Variants in PKD2L1 observed in about 807,000 individuals in gnomAD.
PKD2L1 encodes polycystin 2 like 1, transient receptor potential cation channel, also known as polycystin-2-like protein 1.
PKD2L1 carries 77 observed loss-of-function variants against 93.0 expected under a neutral mutation model. That is an observed-to-expected ratio of 0.83 (90% CI 0.69 to 1.00). The LOEUF (loss-of-function observed/expected upper bound fraction) is 1.00. PKD2L1 is among the 50% of genes least tolerant of loss of function. The probability of loss-of-function intolerance (pLI) is 0.00; values close to 1 mark genes in which losing one functional copy is unlikely to be tolerated. For synonymous variants in PKD2L1, 390 were observed against 388.0 expected, an observed-to-expected ratio of 1.01 and a Z score of -0.06; for missense variants, 977 against 990.9, an observed-to-expected ratio of 0.99 and a Z score of 0.19.
chr10:100,296,097 A>C (rs372643321), intron 7 of PKD2L1, 25 bp downstream of exon 7: 32 of 1,587,776 alleles, frequency 2.0e-5, no homozygotes, highest in Non-Finnish European at 2.7e-5. Flanking sequence ...CTTGAAGCAA[A>C]GCTGGGTGTG....
chr10:100,291,263 T>G, intron 12 of PKD2L1, 38 bp downstream of exon 12: 1 of 1,598,106 alleles, frequency 6.3e-7, no homozygotes, highest in South Asian at 1.1e-5. Context: ...GGTGAGCTAT[T>G]TCCTTACACT....
At chr10:100,327,422 T>C (rs1479823328) in intron 2 of PKD2L1, among the ~76,000 whole-genome samples, 2 of 152,192 alleles carry the variant, frequency 1.3e-5, no homozygotes, top group East Asian at 1.9e-4. Context: ...ACTGAGATCT[T>C]AGAAAGCAGA....
At chr10:100,329,829 G>T in intron 1 of PKD2L1, 40 bp downstream of exon 1, 1 of 1,399,796 alleles carries the variant, frequency 7.1e-7, no homozygotes, top group Non-Finnish European at 9.9e-7. Context: ...GACTCCTCCT[G>T]ATTCTAATAT....
Position 100,294,607 on chromosome 10 carries a change from G to T in PKD2L1, c.1587C>A (p.Ile529=). ...IILGDFDYNA[I]DNANRILGPA... is the part of the protein sequence containing the mutation. Reference sequence around the variant, plus strand: ...GGCCCAGGATGCGGTTGGCATTGTCGATAGCATTGTAGTCAAAGTCCCCGA... The same window carrying T: ...GGCCCAGGATGCGGTTGGCATTGTCTATAGCATTGTAGTCAAAGTCCCCGA... Residue 529 remains isoleucine (I), a synonymous_variant, in exon 9 of 16, where the codon ATC becomes ATA. Transcript: ENST00000318222. 1 of 1,613,938 alleles carries T rather than the reference G, an allele frequency of 6.2e-7. No homozygotes were observed. The highest frequency in any genetic ancestry group is 8.5e-7 in the Non-Finnish European group (1 of 1,179,904).
chr10:100,315,488 C>T (rs552632941), intron 2 of PKD2L1, among the ~76,000 whole-genome samples: 2 of 152,224 alleles, frequency 1.3e-5, no homozygotes, highest in African/African-American at 2.4e-5. Flanking sequence ...CATGTATTCT[C>T]GTTGTTCAAC....
At chr10:100,304,748 G>A (rs1026902544) in intron 2 of PKD2L1, among the ~76,000 whole-genome samples, 1 of 152,190 alleles carries the variant, frequency 6.6e-6, no homozygotes, top group African/African-American at 2.4e-5. Flanking sequence ...GCCTCCCAAA[G>A]TGTTGGAATC....
chr10:100,296,947 G>T (rs767482882), intron 6 of PKD2L1, 33 bp downstream of exon 6: 2 of 1,462,792 alleles, frequency 1.4e-6, no homozygotes, highest in East Asian at 2.3e-5. Context: ...CCTCACCCCA[G>T]AATGTCCCAA....
chr10:100,327,210 C>T (rs1006000239), intron 2 of PKD2L1, among the ~76,000 whole-genome samples: 13 of 152,288 alleles, frequency 8.5e-5, no homozygotes, highest in South Asian at 6.2e-4. Context: ...GTGACAGCCC[C>T]GCTGACACTC....
intron 2 of PKD2L1, among the ~76,000 whole-genome samples, chr10:100,302,887 T>C (rs911003351): frequency 6.6e-6 from 1 of 152,246 alleles, no homozygotes; most frequent in Admixed American, 6.5e-5. Context: ...TAGTACTGGA[T>C]TGCTGATAAA....
intron 2 of PKD2L1, among the ~76,000 whole-genome samples, chr10:100,301,851 C>A (rs184926292): frequency 3.4e-4 from 52 of 152,278 alleles, no homozygotes; most frequent in South Asian, 6.2e-4. Context: ...GAAATCTTCA[C>A]AATTTATGTT....
At chr10:100,289,947 C>T (rs1468688347) in intron 14 of PKD2L1, 68 bp downstream of exon 14, 3 of 1,578,228 alleles carry the variant, frequency 1.9e-6, no homozygotes, top group Non-Finnish European at 1.7e-6. Context: ...TTGCCCCACC[C>T]ACTGAGTGGA....
chr10:100,296,167 C>T lies in PKD2L1; in HGVS notation c.1311G>A (p.Gln437=). The change falls in exon 7 of 16, where the codon CAG becomes CAA. Residue 437 remains glutamine (Q), a synonymous_variant. Transcript: ENST00000318222. ...DFEFLAFWQT[Q]YNNMNAVNLF... ...GGTTGACAGCATTCATGTTGTTGTA[C>T]TGTGTCTGCCAGAAGGCGAGGAACT... 2 of 1,612,400 alleles carry T rather than the reference C, an allele frequency of 1.2e-6. No individual in the cohort carries two copies. The highest frequency in any genetic ancestry group is 1.7e-6 in the Non-Finnish European group (2 of 1,179,296).
intron 2 of PKD2L1, 139 bp downstream of exon 2, chr10:100,329,072 A>G: frequency 1.4e-6 from 1 of 697,740 alleles, no homozygotes; most frequent in South Asian, 2.0e-5. Context: ...GAATATTGTT[A>G]TCTAAAGTTC....
intron 2 of PKD2L1, among the ~76,000 whole-genome samples, chr10:100,325,744 C>T (rs939059046): frequency 6.6e-6 from 1 of 152,166 alleles, no homozygotes; most frequent in Non-Finnish European, 1.5e-5. Flanking sequence ...GGTTATGATG[C>T]CACATTTATA....
chr10:100,290,543 AG>A, intron 12 of PKD2L1, 24 bp from the exon 13 acceptor site: 1 of 1,472,666 alleles, frequency 6.8e-7, no homozygotes, highest in East Asian at 2.3e-5. Flanking sequence ...CAGAGGTTAG[AG>A]GGGAGGAGAT....
chr10:100,302,845 T>C (rs1848715110), intron 2 of PKD2L1, among the ~76,000 whole-genome samples: 1 of 152,262 alleles, frequency 6.6e-6, no homozygotes. Context: ...GTATAATTGG[T>C]GAAATTGTAA....
In PKD2L1 at chr10:100,329,265, T is replaced by C. The variant is rs761154133; in HGVS notation, c.295A>G (p.Thr99Ala). 3 of 1,613,900 alleles carry C rather than the reference T, an allele frequency of 1.9e-6. No homozygotes were observed. The highest frequency in any genetic ancestry group is 4.5e-5 in the East Asian group (2 of 44,890). Residue 99 changes from threonine to alanine, a missense_variant, in exon 2 of 16, where the codon ACC (threonine) becomes GCC (alanine). Physicochemically the swap from Thr to Ala is moderately conservative, Grantham distance 58. Coordinates refer to ENST00000318222, the MANE Select transcript of PKD2L1 (RefSeq NM_016112.3). ...TATACCAACAGCTCCCTCAGGGTGGTCTTGATATAAAGTTCCCGGTTCTCA... is the reference window on the plus strand; with the variant it reads ...TATACCAACAGCTCCCTCAGGGTGGCCTTGATATAAAGTTCCCGGTTCTCA... ...TAENRELYIKTTLRELLVYIV... is the reference protein window; with the variant it reads ...TAENRELYIKATLRELLVYIV...
At chr10:100,300,562 T>C (rs1394217532) in intron 2 of PKD2L1, among the ~76,000 whole-genome samples, 1 of 152,182 alleles carries the variant, frequency 6.6e-6, no homozygotes, top group Non-Finnish European at 1.5e-5. Flanking sequence ...TGTCCTTCAA[T>C]TTAAGTTAGT....
At chr10:100,305,561 T>C (rs907595609) in intron 2 of PKD2L1, among the ~76,000 whole-genome samples, 2 of 152,196 alleles carry the variant, frequency 1.3e-5, no homozygotes, top group African/African-American at 4.8e-5. Flanking sequence ...GAACAATACA[T>C]TCATTCAAGT....
Sources: allele counts gnomAD v4.1 joint callset (sites outside exome capture counted in the v4.1 genomes callset), GRCh38; gene constraint gnomAD v4.1.1; transcripts MANE v1.5; gene names NCBI Gene and HGNC (gene_info 2026-07-23, HGNC 2026-07-21).